Variants in ATF7IP2 observed in about 807,000 individuals in gnomAD.
ATF7IP2 encodes activating transcription factor 7 interacting protein 2.
ATF7IP2 carries 42 observed loss-of-function variants against 64.2 expected under a neutral mutation model. The observed-to-expected ratio is 0.65, with a 90% CI of 0.51 to 0.85. The LOEUF (loss-of-function observed/expected upper bound fraction) is 0.85, where lower values mean the gene tolerates loss of function less well. Ranked by LOEUF, ATF7IP2 falls within the 40% of genes least tolerant of loss-of-function variation. ATF7IP2 has a pLI of 0.00. For missense variants in ATF7IP2, 933 were observed against 784.2 expected (o/e 1.19, Z -2.27); for synonymous variants, 308 against 272.8 (o/e 1.13, Z -1.27).
At chr16:10,426,917 A>G (rs1344579932) in intron 3 of ATF7IP2, among the ~76,000 whole-genome samples, 1 of 149,152 alleles carries the variant, frequency 6.7e-6, no homozygotes, top group East Asian at 2.0e-4. Flanking sequence ...CAGTGGTGTG[A>G]TCTCGGCTCA....
At chr16:10,429,808 C>T (rs11649424) in intron 4 of ATF7IP2, among the ~76,000 whole-genome samples, 114,810 of 143,802 alleles carry the variant, frequency 0.8, 46,084 homozygotes, top group African/African-American at 0.94. Context: ...ATTTATTTTA[C>T]TTCATTTATT....
At chr16:10,451,004 G>A (rs1357984715) in intron 8 of ATF7IP2, among the ~76,000 whole-genome samples, 3 of 152,198 alleles carry the variant, frequency 2.0e-5, no homozygotes, top group Non-Finnish European at 2.9e-5. Flanking sequence ...TTGTAAGGCA[G>A]GCCTGGTGGT....
intron 1 of ATF7IP2, among the ~76,000 whole-genome samples, chr16:10,389,037 A>G (rs1467216198): frequency 6.6e-6 from 1 of 152,064 alleles, no homozygotes; most frequent in Non-Finnish European, 1.5e-5. Flanking sequence ...ATAGTGGGAA[A>G]TTTAGATAAA....
intron 1 of ATF7IP2, among the ~76,000 whole-genome samples, chr16:10,395,343 G>C (rs1212745401): frequency 1.3e-5 from 2 of 152,114 alleles, no homozygotes; most frequent in Non-Finnish European, 2.9e-5. Context: ...CCCCAAATCA[G>C]ATGGTTTTAT....
chr16:10,453,628 T>C lies in ATF7IP2; in HGVS notation c.1195-3744T>C, dbSNP rs183616511. Among the ~76,000 whole-genome samples the C allele has an allele frequency of 5.9e-5, 9 of 152,296 alleles. No individual in the cohort carries two copies. The East Asian group carries it at 1.7e-3, about 29-fold the overall frequency. ...GCAAGGAGCTTTCTTTGTTTATTTA[T>C]TTTTTTGAGATGGAGTTTCAGTCTT... On this transcript the variant is annotated intron_variant, in intron 8 of 13. Coordinates refer to ENST00000562102, the MANE Select transcript of ATF7IP2 (RefSeq NM_001393719.1).
At chr16:10,440,084 C>T (rs1019626501) in intron 7 of ATF7IP2, among the ~76,000 whole-genome samples, 3 of 151,758 alleles carry the variant, frequency 2.0e-5, no homozygotes, top group African/African-American at 4.8e-5. Flanking sequence ...CGCTTGAACC[C>T]GGGAGGCAGA....
At chr16:10,470,622 A>T (rs956046080) in intron 9 of ATF7IP2, among the ~76,000 whole-genome samples, 61 of 151,954 alleles carry the variant, frequency 4.0e-4, no homozygotes, top group East Asian at 1.9e-4. Flanking sequence ...TTTTAAAAAA[A>T]TTTTTTTAAA....
chr16:10,446,827 C>T (rs35506220), intron 8 of ATF7IP2: 29,299 of 151,936 alleles, frequency 0.19, 3,121 homozygotes, highest in African/African-American at 0.28. Flanking sequence ...GCTCAATATC[C>T]CCTATTGGAA....
chr16:10,408,690 T>G (rs6416635), intron 1 of ATF7IP2, among the ~76,000 whole-genome samples: 120,053 of 152,080 alleles, frequency 0.79, 48,218 homozygotes, highest in African/African-American at 0.94. Context: ...GGATTATTTG[T>G]TTTTTTTCTT....
At chr16:10,451,222 A>G (rs985949715) in intron 8 of ATF7IP2, among the ~76,000 whole-genome samples, 5 of 152,212 alleles carry the variant, frequency 3.3e-5, no homozygotes, top group Admixed American at 6.5e-5. Flanking sequence ...GGGTAACCTT[A>G]CCTTTCTCTC....
At chr16:10,391,606 T>C (rs890876612) in intron 1 of ATF7IP2, among the ~76,000 whole-genome samples, 4 of 151,956 alleles carry the variant, frequency 2.6e-5, no homozygotes, top group East Asian at 1.9e-4. Context: ...ATCACTAATA[T>C]CAAGAATGAG....
intron 2 of ATF7IP2, among the ~76,000 whole-genome samples, chr16:10,418,885 C>T (rs1053260631): frequency 6.6e-6 from 1 of 152,182 alleles, no homozygotes; most frequent in Admixed American, 6.5e-5. Context: ...GAACTCTTGC[C>T]ATACTTCTTA....
intron 3 of ATF7IP2, among the ~76,000 whole-genome samples, chr16:10,421,125 A>G (rs1316899769): frequency 6.6e-6 from 1 of 152,210 alleles, no homozygotes; most frequent in African/African-American, 2.4e-5. Flanking sequence ...TTCCAGGATC[A>G]TATCCATGTA....
intron 8 of ATF7IP2, among the ~76,000 whole-genome samples, chr16:10,443,487 G>A (rs376526479): frequency 4.6e-5 from 7 of 152,212 alleles, no homozygotes; most frequent in Non-Finnish European, 7.3e-5. Flanking sequence ...CTGGCCTACC[G>A]TGTGCACAAG....
intron 9 of ATF7IP2, among the ~76,000 whole-genome samples, chr16:10,460,576 A>G (rs902882591): frequency 1.3e-5 from 2 of 152,146 alleles, no homozygotes; most frequent in African/African-American, 4.8e-5. Context: ...GTGATATGTG[A>G]TGGAGATTGC....
intron 8 of ATF7IP2, chr16:10,447,313 AC>A (rs920703958): frequency 6.6e-6 from 1 of 152,190 alleles, no homozygotes; most frequent in African/African-American, 2.4e-5. Context: ...ATTTGTCACA[AC>A]GGGTGGGTCT....
intron 12 of ATF7IP2, among the ~76,000 whole-genome samples, chr16:10,479,214 C>T (rs954626690): frequency 1.1e-4 from 16 of 147,690 alleles, no homozygotes; most frequent in Admixed American, 2.0e-4. Context: ...ATGTTTATTG[C>T]GGCACTATTC....
At chr16:10,410,980 T>A (rs1003262152) in intron 1 of ATF7IP2, among the ~76,000 whole-genome samples, 7 of 151,730 alleles carry the variant, frequency 4.6e-5, no homozygotes, top group Admixed American at 4.6e-4. Flanking sequence ...ATTGTATAAT[T>A]TTTGTTTTTA....
At chr16:10,432,363 G>C (rs1233141790) in intron 5 of ATF7IP2, among the ~76,000 whole-genome samples, 1 of 152,090 alleles carries the variant, frequency 6.6e-6, no homozygotes, top group Non-Finnish European at 1.5e-5. Flanking sequence ...TAAATTTTGT[G>C]TTCTTGTCTA....
Sources: gnomAD v4.1 joint callset for allele counts (sites outside exome capture counted in the v4.1 genomes callset) on GRCh38, gnomAD v4.1.1 for gene constraint, MANE v1.5 for transcripts, NCBI Gene and HGNC (gene_info 2026-07-23, HGNC 2026-07-21) for gene names.